Variants in MRPL9 observed in about 807,000 individuals in gnomAD.
The protein encoded by MRPL9 is mitochondrial ribosomal protein L9, also known as large ribosomal subunit protein bL9m.
MRPL9 carries 25 observed loss-of-function variants against 27.6 expected under a neutral mutation model. The observed-to-expected ratio is 0.91, with a 90% CI of 0.66 to 1.27. The LOEUF (loss-of-function observed/expected upper bound fraction) is 1.27, where lower values mean the gene tolerates loss of function less well. MRPL9 is among the 50% of genes most tolerant of loss of function. The pLI is 0.00. For synonymous variants in MRPL9, 154 were observed against 139.0 expected (o/e 1.11, Z -0.76); for missense variants, 362 against 338.0 (o/e 1.07, Z -0.56).
intron 6 of MRPL9, among the ~76,000 whole-genome samples, 185 bp from the exon 7 acceptor site, chr1:151,760,366 T>A (rs1648007827): frequency 6.6e-6 from 1 of 151,638 alleles, no homozygotes; most frequent in African/African-American, 2.4e-5. Flanking sequence ...TCACCTGAGG[T>A]CAGGAGTTTG....
chr1:151,761,070 A>G (rs959332941), intron 5 of MRPL9, 171 bp from the exon 6 acceptor site: 5 of 610,898 alleles, frequency 8.2e-6, no homozygotes, highest in Non-Finnish European at 1.4e-5. Flanking sequence ...ATACACCTTC[A>G]TAGACGGTAG....
In MRPL9 at chr1:151,759,854, A is replaced by G; in HGVS notation, c.*196T>C. The G allele has an allele frequency of 3.1e-6, 2 of 645,284 alleles. No individual in the cohort carries two copies. The highest frequency in any genetic ancestry group is 4.9e-6 in the Non-Finnish European group (2 of 411,976). The allele number at this position is 645,284 out of a possible 1,614,324, so 40.0% of individuals were successfully genotyped here. A position where few individuals can be genotyped will look rare whatever the true frequency, so the allele number is the denominator to read the frequency against. On this transcript the variant is annotated 3_prime_UTR_variant, in exon 7 of 7. Transcript: ENST00000368830. ...TACAGCCTGGTACTTCTGGAACAGG[A>G]CTTCCCTGCCCCAGTGATGACAGTT... is the stretch of plus-strand genomic sequence containing the variant.
At chr1:151,762,007 G>A in intron 4 of MRPL9, 98 bp downstream of exon 4, 1 of 1,192,782 alleles carries the variant, frequency 8.4e-7, no homozygotes, top group Non-Finnish European at 1.2e-6. Context: ...TCCCACTCTT[G>A]GGTCTGCAAT....
In MRPL9 at chr1:151,763,238, AC is replaced by A. The variant is rs1365694576; in HGVS notation, c.153+88del. 4.6e-6 allele frequency: 7 copies of A among 1,529,026 alleles called. No homozygotes were observed. In the Admixed American group the frequency reaches 1.2e-4, roughly 26 times the overall value. The allele number at this position is 1,529,026 out of a possible 1,614,324, so 94.7% of individuals were successfully genotyped here. A position where few individuals can be genotyped will look rare whatever the true frequency, so the allele number is the denominator to read the frequency against. ...GCCAGCCCCTCAAGGAAAGCCCGCC[AC>A]CCCCACATCGGCCCCCTCCAGGTCC... is the stretch of plus-strand genomic sequence containing the variant. On this transcript the variant is annotated intron_variant, in intron 1 of 6. Transcript: ENST00000368830.
At position 151,760,902 on chromosome 1, in the gene MRPL9, G is replaced by GAAAAA. The variant is rs751821803; in HGVS notation, c.589-4_589-3insTTTTT. ...TGTGGGGCAACCACAACACCAAGCT[G>GAAAAA]CAAAAAAAAAAAAAAAAAAAAAAAT... is the stretch of plus-strand genomic sequence containing the variant. On this transcript the variant is annotated splice_polypyrimidine_tract_variant and splice_region_variant and intron_variant, in intron 5 of 6. Coordinates refer to ENST00000368830, the MANE Select transcript of MRPL9 (RefSeq NM_031420.4). The GAAAAA allele has an allele frequency of 9.8e-7, 1 of 1,021,778 alleles. No individual in the cohort carries two copies. Among genetic ancestry groups the GAAAAA allele is most frequent in the South Asian group, 2.7e-5 (1 of 37,486 alleles). The allele number at this position is 1,021,778 out of a possible 1,614,324, so 63.3% of individuals were successfully genotyped here.
chr1:151,763,187 G>A (rs1391408926), intron 1 of MRPL9, 41 bp from the exon 2 acceptor site: 2 of 1,597,156 alleles, frequency 1.3e-6, no homozygotes, highest in South Asian at 1.1e-5. Context: ...TCTCCACAAG[G>A]AACACCCTCT....
chr1:151,760,926 A>AAAAAAAAAAAAAAAAAAAC, intron 5 of MRPL9, 27 bp from the exon 6 acceptor site: 1 of 1,419,296 alleles, frequency 7.0e-7, no homozygotes, highest in Non-Finnish European at 9.5e-7. Flanking sequence ...AAAAAAAAAA[A>AAAAAAAAAAAAAAAAAAAC]TCTCAGCTCA....
In MRPL9 at chr1:151,763,459, C is replaced by A. The variant is rs779488781; in HGVS notation, c.21G>T (p.Thr7=). The A allele has an allele frequency of 1.3e-6, 2 of 1,574,680 alleles. No individual in the cohort carries two copies. Among genetic ancestry groups the A allele is most frequent in the Non-Finnish European group, 1.7e-6 (2 of 1,160,684 alleles). MAAPVV[T]APGRALLRAG... ...CCCGCAGCAGAGCTCTGCCCGGGGC[C>A]GTGACAACGGGCGCCGCCATGTTCA... The change falls in exon 1 of 7, where the codon ACG becomes ACT. Residue 7 remains threonine (T), a synonymous_variant. Coordinates refer to ENST00000368830, the MANE Select transcript of MRPL9 (RefSeq NM_031420.4).
rs760902362 is a variant in MRPL9, at chr1:151,763,330, AT to A, written c.149del (p.Asn50IlefsTer49). The A allele has an allele frequency of 6.3e-7, 1 of 1,594,366 alleles. No homozygotes were observed. Among genetic ancestry groups the A allele is most frequent in the Non-Finnish European group, 8.6e-7 (1 of 1,169,446 alleles). On this transcript the variant is annotated frameshift_variant, in exon 1 of 7. Coordinates refer to ENST00000368830, the MANE Select transcript of MRPL9 (RefSeq NM_031420.4). LOFTEE classifies it high-confidence loss of function. Reference protein sequence around the residue: ...DLACNFSLSQNRGTVIVERWW... With the variant: ...DLACNFSLSQXRGTVIVERWW... The stretch of plus-strand genomic sequence containing the variant: ...CTACCCCAGACTCAGCCCTCACCCG[AT>A]TTTGAGAAAGGCTGAAGTTGCAGGC...
chr1:151,763,299 T>G (rs771681850), intron 1 of MRPL9, 28 bp downstream of exon 1: 33 of 1,585,858 alleles, frequency 2.1e-5, no homozygotes, highest in Middle Eastern at 1.7e-4. Context: ...CGAGCGTATC[T>G]ACCCCCTACC....
Position 151,763,158 on chromosome 1 carries a change from G to A in MRPL9, c.154-12C>T, listed in dbSNP as rs767214266. Reference sequence around the variant, plus strand: ...ACGATGACCGTGCCCTGGCGGCCAGGAAAGCGACGGTAAGCTAGTCTCCAC... The same window carrying A: ...ACGATGACCGTGCCCTGGCGGCCAGAAAAGCGACGGTAAGCTAGTCTCCAC... On this transcript the variant is annotated splice_polypyrimidine_tract_variant and intron_variant, in intron 1 of 6. Transcript: ENST00000368830. 12 of 1,611,788 alleles carry A rather than the reference G, an allele frequency of 7.4e-6. No homozygotes were observed. Among genetic ancestry groups the A allele is most frequent in the Non-Finnish European group, 9.3e-6 (11 of 1,178,642 alleles).
At position 151,761,121 on chromosome 1, in the gene MRPL9, T is replaced by C. The variant is rs145636215; in HGVS notation, c.589-222A>G. ...CTGATTTCTCAGAAAGGGAGGTAGA[T>C]TCACAAAGAGAAACAGGGCTTGAGG... On this transcript the variant is annotated intron_variant, in intron 5 of 6. Coordinates refer to ENST00000368830, the MANE Select transcript of MRPL9 (RefSeq NM_031420.4). 3.0e-3 allele frequency among the ~76,000 whole-genome samples: 462 copies of C among 152,224 alleles called. 3 individuals are homozygous for C. The highest frequency in any genetic ancestry group is 0.011 in the African/African-American group (450 of 41,518).
At chr1:151,761,799 T>C (rs1250631898) in intron 4 of MRPL9, among the ~76,000 whole-genome samples, 1 of 152,200 alleles carries the variant, frequency 6.6e-6, no homozygotes, top group Non-Finnish European at 1.5e-5. Context: ...GATTATCTTC[T>C]CATGTGTCCA....
At chr1:151,760,576 C>CAAAAA (rs11454049) in intron 6 of MRPL9, among the ~76,000 whole-genome samples, 12 of 50,338 alleles carry the variant, frequency 2.4e-4, no homozygotes, top group South Asian at 1.0e-3. Context: ...GACTCCAGCT[C>CAAAAA]AAAAAAAAAA....
chr1:151,761,268 A>G (rs543646894), intron 5 of MRPL9, among the ~76,000 whole-genome samples, 183 bp downstream of exon 5: 15 of 152,362 alleles, frequency 9.8e-5, no homozygotes, highest in Admixed American at 2.0e-4. Flanking sequence ...TTCAAATTCT[A>G]TGTGACCATC....
At position 151,763,099 on chromosome 1, in the gene MRPL9, C is replaced by G; in HGVS notation, c.201G>C (p.Glu67Asp). Reference sequence around the variant, plus strand: ...GCCGGTGCAGGCGCGGCTTCCGGCCCTCCCCGGCCAGCGGTACCTTCCACC... The same window carrying G: ...GCCGGTGCAGGCGCGGCTTCCGGCCGTCCCCGGCCAGCGGTACCTTCCACC... ...ERWWKVPLAG[E>D]GRKPRLHRRH... is the part of the protein sequence containing the mutation. Residue 67 changes from glutamate (E) to aspartate (D), a missense_variant, in exon 2 of 7, where the codon GAG (glutamate) becomes GAC (aspartate). Transcript: ENST00000368830. 6.2e-7 allele frequency: 1 copy of G among 1,614,016 alleles called. No individual in the cohort carries two copies. The highest frequency in any genetic ancestry group is 8.5e-7 in the Non-Finnish European group (1 of 1,179,936).
At chr1:151,762,922 G>A (rs749459189) in intron 2 of MRPL9, 68 bp downstream of exon 2, 1 of 1,548,922 alleles carries the variant, frequency 6.5e-7, no homozygotes, top group Middle Eastern at 1.7e-4. Context: ...AGTTGAGGGG[G>A]ACGGGCTAGA....
chr1:151,761,887 C>T (rs1558127959), intron 4 of MRPL9: 6 of 602,008 alleles, frequency 1.0e-5, no homozygotes, highest in East Asian at 8.3e-5. Context: ...TCCCTGATTC[C>T]CAGATTGGGA....
intron 2 of MRPL9, chr1:151,762,707 G>A: frequency 1.5e-6 from 1 of 654,742 alleles, no homozygotes; most frequent in Middle Eastern, 4.1e-4. Flanking sequence ...CCCCTGTATA[G>A]AGGGAGTTGT....
Sources: allele counts gnomAD v4.1 joint callset (sites outside exome capture counted in the v4.1 genomes callset), GRCh38; gene constraint gnomAD v4.1.1; transcripts MANE v1.5; gene names NCBI Gene and HGNC (gene_info 2026-07-23, HGNC 2026-07-21).